SP100: variants seen among roughly 807,000 people sequenced by gnomAD.
SP100 encodes the protein nuclear autoantigen Sp-100.
Under a neutral mutation model 130.0 loss-of-function variants are expected in SP100, and 84 were observed. The observed-to-expected ratio is 0.65, with a 90% CI of 0.54 to 0.77. SP100 has a LOEUF of 0.77. Among genes scored for constraint, SP100 ranks in the 30% least tolerant of loss-of-function variants. The pLI, the probability that SP100 is intolerant of heterozygous loss-of-function variation, is 0.00. For missense variants in SP100, 978 were observed against 1,052.2 expected (o/e 0.93, Z 0.97); for synonymous variants, 331 against 351.7 (o/e 0.94, Z 0.66).
rs796198501 is a variant in SP100 at position 230,503,198 on chromosome 2, T to C, written c.1765+88T>C. Reference sequence around the variant, plus strand: ...GTGAGTAACAAGTCAGTTTTCTTAATTGGCATATGGAGCTAGTACTGGAGC... The same window carrying C: ...GTGAGTAACAAGTCAGTTTTCTTAACTGGCATATGGAGCTAGTACTGGAGC... On this transcript the variant is annotated intron_variant, in intron 20 of 28. Coordinates refer to ENST00000340126, the MANE Select transcript of SP100 (RefSeq NM_001080391.2). 2.4e-5 allele frequency: 23 copies of C among 969,266 alleles called. No homozygotes were observed. In the African/African-American group the frequency reaches 3.5e-4, roughly 15 times the overall value. The allele number at this position is 969,266 out of a possible 1,614,324, so 60.0% of individuals were successfully genotyped here. A position where few individuals can be genotyped will look rare whatever the true frequency, so the allele number is the denominator to read the frequency against.
In SP100 at chr2:230,541,974, G is replaced by T; in HGVS notation, c.2486G>T (p.Arg829Leu). Reference protein sequence around the residue: ...KTSLNEQMYTRVEGFVQDMRL... With the variant: ...KTSLNEQMYTLVEGFVQDMRL... ...AGTTTGAATGAGCAGATGTACACCC[G>T]AGTAGAAGGGTTTGTGCAGGACATG... is the stretch of plus-strand genomic sequence containing the variant. The change falls in exon 28 of 29, where the codon CGA becomes CTA. Residue 829 changes from arginine to leucine, a missense_variant. By Grantham distance (102) the Arg-to-Leu change is moderately radical. Transcript: ENST00000340126. The T allele has an allele frequency of 6.2e-7, 1 of 1,614,062 alleles. No individual in the cohort carries two copies. The highest frequency in any genetic ancestry group is 8.5e-7 in the Non-Finnish European group (1 of 1,179,956).
chr2:230,504,259 G>A lies in SP100; in HGVS notation c.1839G>A (p.Lys613=), dbSNP rs2067198309. Residue 613 remains lysine (K), a synonymous_variant, in exon 21 of 29, where the codon AAG becomes AAA. Coordinates refer to ENST00000340126, the MANE Select transcript of SP100 (RefSeq NM_001080391.2). ...TTCCTGTGACCTGTGGTGAGGTGAAGGGCACTCTATATAAGGAGCGATTCA... is the reference window on the plus strand; with the variant it reads ...TTCCTGTGACCTGTGGTGAGGTGAAAGGCACTCTATATAAGGAGCGATTCA... ...SELPVTCGEV[K]GTLYKERFKQ... is the part of the protein sequence containing the mutation. The A allele has an allele frequency of 2.5e-6, 4 of 1,610,212 alleles. No individual in the cohort carries two copies. In the South Asian group the frequency reaches 4.4e-5, roughly 18 times the overall value.
rs750389091 is a variant in SP100 at position 230,522,476 on chromosome 2, C to CTTTTTTTTTTTTT, written c.2094+11320_2094+11332dup. ...TTTAGTGCTCTTTGGCCCCAGTGTT[C>CTTTTTTTTTTTTT]TTTTTTTTTTTTTTTTTTTTTTGAG... On this transcript the variant is annotated intron_variant, in intron 24 of 28. Transcript: ENST00000340126. Among the ~76,000 whole-genome samples the CTTTTTTTTTTTTT allele has an allele frequency of 7.5e-4, 62 of 82,120 alleles. 5 individuals are homozygous for CTTTTTTTTTTTTT. The highest frequency in any genetic ancestry group is 9.4e-4 in the Non-Finnish European group (44 of 46,772). The allele number at this position is 82,120 out of a possible 152,430, so 53.9% of individuals were successfully genotyped here.
At chr2:230,527,978 TG>T (rs1369999137) in intron 24 of SP100, among the ~76,000 whole-genome samples, 1 of 152,074 alleles carries the variant, frequency 6.6e-6, no homozygotes. Flanking sequence ...ACAATAAAAA[TG>T]GGAGACTTTA....
intron 19 of SP100, among the ~76,000 whole-genome samples, 160 bp from the exon 20 acceptor site, chr2:230,502,906 T>TG (rs2067116083): frequency 6.6e-6 from 1 of 152,214 alleles, no homozygotes; most frequent in African/African-American, 2.4e-5. Flanking sequence ...AAACCTTAAC[T>TG]ACTTACTATC....
intron 24 of SP100, among the ~76,000 whole-genome samples, chr2:230,529,932 AC>A (rs1351474150): frequency 6.6e-6 from 1 of 152,180 alleles, no homozygotes; most frequent in Non-Finnish European, 1.5e-5. Flanking sequence ...ATAAAAGAGG[AC>A]CCAAACAAAT....
rs943902825 is a variant in SP100, at chr2:230,506,193, T to C, written c.1871-110T>C. On this transcript the variant is annotated intron_variant, in intron 21 of 28. Transcript: ENST00000340126. ...ATATCTGACAGGAAAATTCAGACTT[T>C]ACTGCTACGATCCTAAGCCCAAAGT... 8 of 1,134,494 alleles carry C rather than the reference T, an allele frequency of 7.1e-6. No homozygotes were observed. The African/African-American group carries it at 9.3e-5, about 13-fold the overall frequency. 70.3% of individuals were successfully genotyped at this position (1,134,494 alleles called of 1,614,324 possible).
chr2:230,492,139 C>A (rs2066424792), intron 17 of SP100, among the ~76,000 whole-genome samples: 1 of 152,134 alleles, frequency 6.6e-6, no homozygotes, highest in Non-Finnish European at 1.5e-5. Context: ...CTCTCCCATC[C>A]AATTTTAGGC....
Position 230,540,980 on chromosome 2 carries a change from T to C in SP100, c.2315T>C (p.Leu772Pro). ...TCTGAAGTCCTGATGAGGCAGATGC[T>C]GCCTGAGGAGCAGTTGGTGAGTAAA... ...QESEVLMRQM[L>P]PEEQLKCEFL... Residue 772 changes from leucine to proline, a missense_variant, in exon 26 of 29, where the codon CTG (leucine) becomes CCG (proline). By Grantham distance (98) the Leu-to-Pro change is moderately conservative. Transcript: ENST00000340126. 1 of 1,611,966 alleles carries C rather than the reference T, an allele frequency of 6.2e-7. No homozygotes were observed. Among genetic ancestry groups the C allele is most frequent in the Non-Finnish European group, 8.5e-7 (1 of 1,178,570 alleles).
intron 19 of SP100, among the ~76,000 whole-genome samples, chr2:230,501,034 G>T (rs1161310318): frequency 6.6e-6 from 1 of 152,044 alleles, no homozygotes; most frequent in African/African-American, 2.4e-5. Flanking sequence ...CTTAAGCCCT[G>T]GATTTAAGAC....
At chr2:230,459,287 A>G (rs924850039) in intron 8 of SP100, among the ~76,000 whole-genome samples, 3 of 152,160 alleles carry the variant, frequency 2.0e-5, no homozygotes, top group Non-Finnish European at 4.4e-5. Flanking sequence ...ACAAATCAAG[A>G]CATTCTCTGA....
Position 230,467,170 on chromosome 2 carries a change from G to A in SP100, c.1246G>A (p.Ala416Thr), listed in dbSNP as rs766779368. Residue 416 changes from alanine to threonine, a missense_variant, in exon 13 of 29, where the codon GCA (alanine) becomes ACA (threonine). By Grantham distance (58) the Ala-to-Thr change is moderately conservative (BLOSUM62 0). Coordinates refer to ENST00000340126, the MANE Select transcript of SP100 (RefSeq NM_001080391.2). ...AGAATCCAGTGAGGAGGAGGCGCCCGCAGAAGCCTCGAGCGGGGCACTGAG... is the reference window on the plus strand; with the variant it reads ...AGAATCCAGTGAGGAGGAGGCGCCCACAGAAGCCTCGAGCGGGGCACTGAG... ...FSESSEEEAPAEASSGALRSK... is the reference protein window; with the variant it reads ...FSESSEEEAPTEASSGALRSK... The A allele has an allele frequency of 8.7e-6, 14 of 1,613,756 alleles. No individual in the cohort carries two copies. Among genetic ancestry groups the A allele is most frequent in the Admixed American group, 5.0e-5 (3 of 59,990 alleles).
intron 2 of SP100, among the ~76,000 whole-genome samples, chr2:230,427,584 A>G (rs2062971973): frequency 6.6e-6 from 1 of 152,104 alleles, no homozygotes; most frequent in Admixed American, 6.5e-5. Flanking sequence ...AGAACTTACT[A>G]TTGCCACTTT....
chr2:230,540,005 C>A (rs1692105565), intron 25 of SP100, among the ~76,000 whole-genome samples: 1 of 152,134 alleles, frequency 6.6e-6, no homozygotes, highest in South Asian at 2.1e-4. Flanking sequence ...GAGCATTGCC[C>A]TTCCATAATG....
At chr2:230,461,439 A>C in intron 9 of SP100, 25 bp downstream of exon 9, 1 of 1,613,064 alleles carries the variant, frequency 6.2e-7, no homozygotes, top group Non-Finnish European at 8.5e-7. Flanking sequence ...GAGAGTTTGT[A>C]ACTGTGAGTC....
chr2:230,470,337 G>T, intron 15 of SP100: 1 of 1,163,208 alleles, frequency 8.6e-7, no homozygotes, highest in Non-Finnish European at 1.1e-6. Context: ...TGTTGTAGAA[G>T]AAATAAATAG....
chr2:230,541,532 T>C (rs1360243429), intron 27 of SP100, among the ~76,000 whole-genome samples, 160 bp downstream of exon 27: 4 of 152,198 alleles, frequency 2.6e-5, no homozygotes, highest in African/African-American at 7.2e-5. Context: ...ACAGCAGAAA[T>C]GTTTTTCTCA....
chr2:230,440,660 G>GT, intron 2 of SP100: 2 of 1,116,574 alleles, frequency 1.8e-6, no homozygotes, highest in Middle Eastern at 4.3e-4. Flanking sequence ...CCAAAAAAAA[G>GT]TCCTAAAGTT....
intron 2 of SP100, among the ~76,000 whole-genome samples, chr2:230,440,711 G>T (rs1392576535): frequency 6.6e-6 from 1 of 152,032 alleles, no homozygotes; most frequent in Admixed American, 6.6e-5. Context: ...AAAAGATAAT[G>T]TATAAAAGCA....
Sources: gnomAD v4.1 joint callset for allele counts (sites outside exome capture counted in the v4.1 genomes callset) on GRCh38, gnomAD v4.1.1 for gene constraint, MANE v1.5 for transcripts, NCBI Gene and HGNC (gene_info 2026-07-23, HGNC 2026-07-21) for gene names.